DTNA: variants seen among roughly 807,000 people sequenced by gnomAD.
The protein encoded by DTNA is dystrophin-related protein 3.
DTNA carries 43 observed loss-of-function variants against 100.7 expected under a neutral mutation model. That is an observed-to-expected ratio of 0.43 (90% CI 0.33 to 0.55). DTNA has a LOEUF of 0.55. DTNA is among the 20% of genes least tolerant of loss of function. DTNA has a pLI of 0.04. For missense variants in DTNA, 798 were observed against 953.9 expected, an observed-to-expected ratio of 0.84 and a Z score of 2.15; for synonymous variants, 349 against 347.9, an observed-to-expected ratio of 1.00 and a Z score of -0.04.
intron 11 of DTNA, among the ~76,000 whole-genome samples, chr18:34,830,280 T>C (rs980962128): frequency 2.0e-5 from 3 of 150,396 alleles, no homozygotes. Flanking sequence ...ACCGAGAAAG[T>C]AGAGAAGTTC....
intron 4 of DTNA, among the ~76,000 whole-genome samples, chr18:34,805,384 G>C (rs1393484633): frequency 6.6e-6 from 1 of 152,008 alleles, no homozygotes; most frequent in African/African-American, 2.4e-5. Flanking sequence ...GAGTGCAGTG[G>C]CACAATGTTG....
At chr18:34,559,624 C>T (rs1418638494) in intron 1 of DTNA, among the ~76,000 whole-genome samples, 1 of 152,188 alleles carries the variant, frequency 6.6e-6, no homozygotes, top group Non-Finnish European at 1.5e-5. Context: ...CACCAAGGCT[C>T]ATATAATGAA....
At chr18:34,810,409 A>G (rs1052672998) in intron 5 of DTNA, among the ~76,000 whole-genome samples, 11 of 152,042 alleles carry the variant, frequency 7.2e-5, no homozygotes, top group African/African-American at 2.4e-4. Context: ...GGAGGACATT[A>G]TGTTAAGTAA....
chr18:34,806,620 A>T (rs1389063994), intron 5 of DTNA, among the ~76,000 whole-genome samples: 1 of 152,200 alleles, frequency 6.6e-6, no homozygotes, highest in Non-Finnish European at 1.5e-5. Context: ...GTACAGGATG[A>T]TAGGCACGTG....
At chr18:34,665,620 G>C (rs2075813419) in intron 1 of DTNA, among the ~76,000 whole-genome samples, 1 of 152,104 alleles carries the variant, frequency 6.6e-6, no homozygotes, top group African/African-American at 2.4e-5. Flanking sequence ...TCCCCTTCCT[G>C]TGTCCATGTG....
chr18:34,887,346 A>G (rs1160023038), intron 22 of DTNA, among the ~76,000 whole-genome samples: 1 of 152,208 alleles, frequency 6.6e-6, no homozygotes, highest in African/African-American at 2.4e-5. Context: ...CACATGGTAC[A>G]CCACTGTCCT....
intron 17 of DTNA, among the ~76,000 whole-genome samples, chr18:34,874,638 C>T (rs984137157): frequency 7.0e-6 from 1 of 143,344 alleles, no homozygotes; most frequent in African/African-American, 3.0e-5. Flanking sequence ...AACAAGGTTT[C>T]TTCTTCTTCT....
intron 16 of DTNA, among the ~76,000 whole-genome samples, chr18:34,862,136 A>AG (rs2096636615): frequency 6.8e-6 from 1 of 147,736 alleles, no homozygotes; most frequent in African/African-American, 2.6e-5. Flanking sequence ...AAAAAAAAAA[A>AG]AAAAAAAGAG....
At chr18:34,543,233 G>T (rs1227247127) in intron 1 of DTNA, among the ~76,000 whole-genome samples, 3 of 151,770 alleles carry the variant, frequency 2.0e-5, no homozygotes, top group South Asian at 4.2e-4. Flanking sequence ...TGTTCAGACT[G>T]TTCAATAAAT....
At chr18:34,497,510 A>G (rs2039382689) in intron 1 of DTNA, among the ~76,000 whole-genome samples, 2 of 152,206 alleles carry the variant, frequency 1.3e-5, no homozygotes, top group African/African-American at 4.8e-5. Context: ...CGGGGAGAGT[A>G]ACCTTAACCA....
chr18:34,670,328 C>A (rs2076569965), intron 1 of DTNA, among the ~76,000 whole-genome samples: 1 of 152,102 alleles, frequency 6.6e-6, no homozygotes, highest in Admixed American at 6.6e-5. Context: ...TTCATCTAAT[C>A]TTTTTTCAAG....
chr18:34,731,009 C>T (rs1475649244), intron 1 of DTNA, among the ~76,000 whole-genome samples: 7 of 152,186 alleles, frequency 4.6e-5, no homozygotes, highest in African/African-American at 1.7e-4. Context: ...TTCCCTCTTA[C>T]TATGCAGAGA....
At chr18:34,621,841 A>G (rs1452643647) in intron 1 of DTNA, among the ~76,000 whole-genome samples, 1 of 152,200 alleles carries the variant, frequency 6.6e-6, no homozygotes, top group Non-Finnish European at 1.5e-5. Flanking sequence ...AAATAAGTAT[A>G]TGAAGTGATG....
intron 1 of DTNA, among the ~76,000 whole-genome samples, chr18:34,686,525 CT>C (rs2078924196): frequency 1.3e-5 from 2 of 152,238 alleles, no homozygotes; most frequent in African/African-American, 4.8e-5. Context: ...TGATATGCTG[CT>C]GGATTCAGTT....
At chr18:34,778,764 T>C (rs2094178439) in intron 3 of DTNA, among the ~76,000 whole-genome samples, 1 of 151,972 alleles carries the variant, frequency 6.6e-6, no homozygotes, top group Non-Finnish European at 1.5e-5. Context: ...ACAACCCTAT[T>C]TGTCAATGAC....
rs372098977 is a variant in DTNA, at chr18:34,654,221, T to C, written c.-1-101755T>C. 9.8e-5 allele frequency among the ~76,000 whole-genome samples: 15 copies of C among 152,308 alleles called. No individual in the cohort carries two copies. In the East Asian group the frequency reaches 1.5e-3, roughly 16 times the overall value. On this transcript the variant is annotated intron_variant, in intron 1 of 19. Coordinates refer to the DTNA transcript ENST00000283365. ...GCTGATGTGATAGAGCTGTTGCAAA[T>C]TGGCAGGAAGACTTTCACCTTGGAA...
chr18:34,613,431 G>C (rs1336598777), intron 1 of DTNA, among the ~76,000 whole-genome samples: 1 of 152,214 alleles, frequency 6.6e-6, no homozygotes, highest in Admixed American at 6.5e-5. Context: ...AGAAACACAT[G>C]TTGAAAGCCA....
chr18:34,535,225 G>A (rs1026776872), intron 1 of DTNA, among the ~76,000 whole-genome samples: 1 of 152,092 alleles, frequency 6.6e-6, no homozygotes, highest in Non-Finnish European at 1.5e-5. Context: ...GTTTTCATTT[G>A]CATTTCTCTA....
Position 34,581,622 on chromosome 18 carries a change from T to TTGTTG in DTNA, c.-2+88109_-2+88110insGTTGT, listed in dbSNP as rs10669815. ...GGCAGTCAGGCATGCCCCTAGTTAG[T>TTGTTG]TTTTTTTTTTTTTTTTTGTGACGGA... On this transcript the variant is annotated intron_variant, in intron 1 of 19. Coordinates refer to the DTNA transcript ENST00000283365. Among the ~76,000 whole-genome samples the TTGTTG allele has an allele frequency of 5.0e-4, 45 of 90,122 alleles. 1 individual carries two copies. The highest frequency in any genetic ancestry group is 1.5e-3 in the African/African-American group (19 of 12,730). The allele number at this position is 90,122 out of a possible 152,430, so 59.1% of individuals were successfully genotyped here.
Sources: allele counts gnomAD v4.1 joint callset (sites outside exome capture counted in the v4.1 genomes callset), GRCh38; gene constraint gnomAD v4.1.1; transcripts MANE v1.5; gene names NCBI Gene and HGNC (gene_info 2026-07-23, HGNC 2026-07-21).